The following ARHGAP20 variants were observed in gnomAD, a reference collection of about 807,000 sequenced individuals.
ARHGAP20 encodes rho GTPase-activating protein 20.
Under a neutral mutation model 73.7 loss-of-function variants are expected in ARHGAP20, and 34 were observed. The observed-to-expected ratio is 0.46, with a 90% CI of 0.35 to 0.61. The LOEUF is 0.61. ARHGAP20 is among the 20% of genes least tolerant of loss of function. The probability of loss-of-function intolerance (pLI) is 0.00; values close to 1 mark genes in which losing one functional copy is unlikely to be tolerated. For missense variants in ARHGAP20, 1,314 were observed against 1,420.9 expected (o/e 0.92, Z 1.21); for synonymous variants, 523 against 518.2 (o/e 1.01, Z -0.13).
chr11:110,612,166 C>T (rs905859075), intron 6 of ARHGAP20, among the ~76,000 whole-genome samples: 19 of 151,958 alleles, frequency 1.3e-4, no homozygotes, highest in Admixed American at 3.3e-4. Context: ...TGCCTGTAAT[C>T]CTAGCACTTT....
intron 2 of ARHGAP20, among the ~76,000 whole-genome samples, chr11:110,646,127 GA>G (rs1262663054): frequency 6.6e-6 from 1 of 151,930 alleles, no homozygotes; most frequent in Non-Finnish European, 1.5e-5. Flanking sequence ...AATAAAAGTT[GA>G]AAAAAATCAC....
At chr11:110,621,288 G>A (rs912959531) in intron 4 of ARHGAP20, among the ~76,000 whole-genome samples, 6 of 152,022 alleles carry the variant, frequency 3.9e-5, no homozygotes, top group East Asian at 1.9e-4. Flanking sequence ...AGGGTTCAGT[G>A]AGCTGTATAT....
chr11:110,673,703 T>A (rs753927578), intron 2 of ARHGAP20, among the ~76,000 whole-genome samples: 10 of 152,146 alleles, frequency 6.6e-5, no homozygotes, highest in Non-Finnish European at 1.0e-4. Context: ...TTTAAAGTGA[T>A]GATCTCTGAT....
chr11:110,676,851 T>C (rs1183586304), intron 2 of ARHGAP20, among the ~76,000 whole-genome samples: 2 of 151,982 alleles, frequency 1.3e-5, no homozygotes, highest in East Asian at 1.9e-4. Flanking sequence ...AACATACAGA[T>C]TTATGGTGTA....
Position 110,577,939 on chromosome 11 carries a change from A to G in ARHGAP20, c.*1431T>C, listed in dbSNP as rs1245265811. ...ATTAATAAGACAAATAATTTGGAATAAGCTAGCTTGTGAGAGAAAGGTCCA... is the reference window on the plus strand; with the variant it reads ...ATTAATAAGACAAATAATTTGGAATGAGCTAGCTTGTGAGAGAAAGGTCCA... On this transcript the variant is annotated 3_prime_UTR_variant, in exon 15 of 15. Transcript: ENST00000683387. The G allele has an allele frequency of 1.0e-6, 1 of 985,580 alleles. No individual in the cohort carries two copies. Among genetic ancestry groups the G allele is most frequent in the Non-Finnish European group, 1.2e-6 (1 of 829,876 alleles). 61.1% of individuals were successfully genotyped at this position (985,580 alleles called of 1,614,324 possible).
chr11:110,580,208 C>CAGA lies in ARHGAP20; in HGVS notation c.2737_2738insTCT (p.Ser913delinsIleCys). 1 of 1,614,216 alleles carries CAGA rather than the reference C, an allele frequency of 6.2e-7. No individual in the cohort carries two copies. The highest frequency in any genetic ancestry group is 2.2e-5 in the East Asian group (1 of 44,888). On this transcript the variant is annotated protein_altering_variant, in exon 15 of 15. Transcript: ENST00000683387. ...CTTCTCAGTGTTTTGGTTTGTGGCA[C>CAGA]TACTCTTGCCCACCTCAATCCCCAT...
rs765140775 is a variant in ARHGAP20 at position 110,591,992 on chromosome 11, C to T, written c.1128G>A (p.Leu376=). ...SLPNICENDN[L]PKPVLDMLFF... The stretch of plus-strand genomic sequence containing the variant: ...TGAGCCTTACCAAGACAGGTTTGGG[C>T]AGATTGTCATTCTCACAAATATTTG... The change falls in exon 10 of 15, where the codon CTG becomes CTA. Residue 376 remains leucine, a synonymous_variant. Transcript: ENST00000683387. 4 of 1,613,928 alleles carry T rather than the reference C, an allele frequency of 2.5e-6. No homozygotes were observed. The highest frequency in any genetic ancestry group is 3.4e-6 in the Non-Finnish European group (4 of 1,179,954).
intron 2 of ARHGAP20, among the ~76,000 whole-genome samples, chr11:110,643,157 ATCT>A (rs1476449125): frequency 4.0e-5 from 6 of 151,614 alleles, no homozygotes; most frequent in African/African-American, 7.3e-5. Context: ...ACTTATTTAG[ATCT>A]TCTTTTTCTT....
At chr11:110,710,030 G>A (rs989150332) in intron 1 of ARHGAP20, among the ~76,000 whole-genome samples, 1 of 152,198 alleles carries the variant, frequency 6.6e-6, no homozygotes, top group Non-Finnish European at 1.5e-5. Context: ...ATTGACAATA[G>A]CTTCCCTGAT....
At chr11:110,594,537 T>C (rs1214522223) in intron 9 of ARHGAP20, among the ~76,000 whole-genome samples, 2 of 152,170 alleles carry the variant, frequency 1.3e-5, no homozygotes. Flanking sequence ...TTCACAGCCT[T>C]CAGCAGGTAT....
At chr11:110,688,113 G>C (rs1187193174) in intron 2 of ARHGAP20, among the ~76,000 whole-genome samples, 4 of 152,096 alleles carry the variant, frequency 2.6e-5, no homozygotes, top group African/African-American at 9.7e-5. Context: ...GTTATATAGG[G>C]GACTTTCAAA....
intron 4 of ARHGAP20, among the ~76,000 whole-genome samples, chr11:110,620,754 C>T (rs895628927): frequency 2.0e-5 from 3 of 152,078 alleles, no homozygotes; most frequent in East Asian, 1.9e-4. Context: ...CTAGGTTAAA[C>T]GGTTTTCAAC....
At chr11:110,684,997 C>T (rs1477678420) in intron 2 of ARHGAP20, among the ~76,000 whole-genome samples, 2 of 152,048 alleles carry the variant, frequency 1.3e-5, no homozygotes, top group Non-Finnish European at 2.9e-5. Context: ...TCAATAGAAG[C>T]TCAAACCCTA....
At chr11:110,640,872 T>C (rs1248903176) in intron 2 of ARHGAP20, among the ~76,000 whole-genome samples, 3 of 152,084 alleles carry the variant, frequency 2.0e-5, no homozygotes, top group Admixed American at 6.6e-5. Context: ...CTGCACGTTG[T>C]GCACATGTAC....
chr11:110,604,972 A>T (rs905814513), intron 9 of ARHGAP20, among the ~76,000 whole-genome samples: 1 of 152,178 alleles, frequency 6.6e-6, no homozygotes, highest in Non-Finnish European at 1.5e-5. Context: ...ACCCAGTATG[A>T]AGTGCCCATT....
intron 11 of ARHGAP20, among the ~76,000 whole-genome samples, chr11:110,587,978 C>G (rs528369882): frequency 1.3e-5 from 2 of 152,252 alleles, no homozygotes; most frequent in East Asian, 3.9e-4. Flanking sequence ...TTAGAAGAAG[C>G]AAAATCTGTT....
chr11:110,577,577 G>A lies in ARHGAP20; in HGVS notation c.*1793C>T, dbSNP rs1947320915. 2 of 987,680 alleles carry A rather than the reference G, an allele frequency of 2.0e-6. No individual in the cohort carries two copies. The highest frequency in any genetic ancestry group is 2.4e-6 in the Non-Finnish European group (2 of 831,334). The allele number at this position is 987,680 out of a possible 1,614,324, so 61.2% of individuals were successfully genotyped here. On this transcript the variant is annotated 3_prime_UTR_variant, in exon 15 of 15. Coordinates refer to ENST00000683387, the MANE Select transcript of ARHGAP20 (RefSeq NM_001384657.1). ...GACAGTAGTATGCCCTAAGGGAAAG[G>A]GGAGTCCCTGCTGACTTTATATATT...
intron 1 of ARHGAP20, among the ~76,000 whole-genome samples, chr11:110,710,899 A>G (rs1379662275): frequency 6.6e-6 from 1 of 152,186 alleles, no homozygotes; most frequent in Non-Finnish European, 1.5e-5. Flanking sequence ...TAAGTCTCTA[A>G]TGAAACAAAT....
Position 110,654,896 on chromosome 11 carries a change from G to C in ARHGAP20, c.189-24104C>G, listed in dbSNP as rs1485074319. On this transcript the variant is annotated intron_variant, in intron 2 of 14. Transcript: ENST00000683387. ...CACGTGTTTCTTAATCTAGGGGTTG[G>C]GAGAAGATTTGACAATAAATCTTTA... 2.6e-5 allele frequency among the ~76,000 whole-genome samples: 4 copies of C among 152,094 alleles called. No individual in the cohort carries two copies. The East Asian group carries it at 7.7e-4, about 29-fold the overall frequency.
Sources: allele counts gnomAD v4.1 joint callset (sites outside exome capture counted in the v4.1 genomes callset), GRCh38; gene constraint gnomAD v4.1.1; transcripts MANE v1.5; gene names NCBI Gene and HGNC (gene_info 2026-07-23, HGNC 2026-07-21).